The following CCDC3 variants were observed in gnomAD, a reference collection of about 807,000 sequenced individuals.
CCDC3 encodes the protein coiled-coil domain containing 3, also known as coiled-coil domain-containing protein 3.
Under a neutral mutation model 21.4 loss-of-function variants are expected in CCDC3, and 24 were observed. That is an observed-to-expected ratio of 1.12 (90% CI 0.81 to 1.58). The LOEUF (loss-of-function observed/expected upper bound fraction) is 1.58, where lower values mean the gene tolerates loss of function less well. Among genes scored for constraint, CCDC3 ranks in the 40% most tolerant of loss-of-function variants. CCDC3 has a pLI of 0.00. For missense variants in CCDC3, 425 were observed against 360.9 expected, an observed-to-expected ratio of 1.18 and a Z score of -1.44; for synonymous variants, 186 against 166.0, an observed-to-expected ratio of 1.12 and a Z score of -0.93.
intron 3 of CCDC3, among the ~76,000 whole-genome samples, chr10:13,090,347 C>T (rs776195901): frequency 4.6e-5 from 7 of 152,142 alleles, no homozygotes; most frequent in Non-Finnish European, 8.8e-5. Context: ...CTTGGCCTCC[C>T]AAAGTGCTAG....
rs1386690670 is a variant in CCDC3 at position 13,057,404 on chromosome 10, T to C, written c.-269-7463A>G. 2.0e-5 allele frequency among the ~76,000 whole-genome samples: 3 copies of C among 152,096 alleles called. No individual in the cohort carries two copies. The East Asian group carries it at 5.8e-4, about 29-fold the overall frequency. On this transcript the variant is annotated intron_variant, in intron 4 of 6. Coordinates refer to the CCDC3 transcript ENST00000378839. Reference sequence around the variant, plus strand: ...TAGTCATATGGGACCATTTTCAAGATGGCAAGTGAAGCCACATAAACACAT... The same window carrying C: ...TAGTCATATGGGACCATTTTCAAGACGGCAAGTGAAGCCACATAAACACAT...
intron 2 of CCDC3, among the ~76,000 whole-genome samples, chr10:12,914,859 A>G (rs993579202): frequency 6.6e-6 from 1 of 151,822 alleles, no homozygotes; most frequent in Non-Finnish European, 1.5e-5. Context: ...TCTCTCATTT[A>G]TTATTATTTC....
chr10:13,052,139 C>T (rs1836616540), intron 4 of CCDC3, among the ~76,000 whole-genome samples: 1 of 152,142 alleles, frequency 6.6e-6, no homozygotes, highest in Admixed American at 6.5e-5. Context: ...CTTTGAGAGG[C>T]TGAGAAGCAG....
intron 5 of CCDC3, among the ~76,000 whole-genome samples, chr10:13,048,939 A>G (rs1037573375): frequency 6.6e-6 from 1 of 152,016 alleles, no homozygotes; most frequent in Non-Finnish European, 1.5e-5. Flanking sequence ...TTTTCATTGC[A>G]CAACACCAAG....
At chr10:12,947,679 A>G (rs1454345338) in intron 2 of CCDC3, among the ~76,000 whole-genome samples, 2 of 152,250 alleles carry the variant, frequency 1.3e-5, no homozygotes, top group African/African-American at 4.8e-5. Context: ...AACAGGAGAT[A>G]CTCAGTACCT....
intron 2 of CCDC3, among the ~76,000 whole-genome samples, chr10:12,986,090 C>T (rs972181290): frequency 9.2e-5 from 14 of 152,138 alleles, no homozygotes; most frequent in Admixed American, 3.9e-4. Context: ...CGTGAGCCAC[C>T]GTGCCTGGCC....
chr10:12,941,942 T>G (rs1834838224), intron 2 of CCDC3, among the ~76,000 whole-genome samples: 1 of 152,218 alleles, frequency 6.6e-6, no homozygotes, highest in Non-Finnish European at 1.5e-5. Flanking sequence ...AATCATCTAC[T>G]TCAAAAGTCT....
chr10:12,964,413 T>G (rs1179029017), intron 2 of CCDC3, among the ~76,000 whole-genome samples: 1 of 152,138 alleles, frequency 6.6e-6, no homozygotes, highest in Non-Finnish European at 1.5e-5. Context: ...TTTCTGTTCT[T>G]TATAAAAGCC....
At chr10:13,016,568 T>C (rs1163486610) in intron 5 of CCDC3, among the ~76,000 whole-genome samples, 5 of 151,918 alleles carry the variant, frequency 3.3e-5, no homozygotes. Context: ...TGTTATTTCA[T>C]AGATAAAAAA....
intron 4 of CCDC3, among the ~76,000 whole-genome samples, chr10:13,062,661 ATG>A (rs1836771749): frequency 6.6e-6 from 1 of 152,182 alleles, no homozygotes; most frequent in African/African-American, 2.4e-5. Context: ...AACTTAGTTT[ATG>A]GTTTAAGTAA....
intron 2 of CCDC3, among the ~76,000 whole-genome samples, chr10:12,984,540 A>G (rs1446047691): frequency 6.6e-6 from 1 of 152,202 alleles, no homozygotes; most frequent in Non-Finnish European, 1.5e-5. Flanking sequence ...TGACCCAGCA[A>G]TTCCGCTCCT....
intron 4 of CCDC3, among the ~76,000 whole-genome samples, chr10:13,057,740 G>T (rs950954005): frequency 2.0e-5 from 3 of 151,984 alleles, no homozygotes; most frequent in African/African-American, 7.2e-5. Context: ...TTAGCTGGGC[G>T]TGGTGGTGGG....
chr10:12,936,522 C>A (rs1207857381), intron 2 of CCDC3, among the ~76,000 whole-genome samples: 5 of 152,056 alleles, frequency 3.3e-5, no homozygotes, highest in Non-Finnish European at 7.4e-5. Context: ...CCACTGTGCC[C>A]GGCCACTTTC....
rs559211722 is a variant in CCDC3 at position 12,959,982 on chromosome 10, C to A, written c.549+38356G>T. ...CAGCCTGGCCAACATGGCGAAACCCCGTCTCTACTAAAAATACAAAAATTA... is the reference window on the plus strand; with the variant it reads ...CAGCCTGGCCAACATGGCGAAACCCAGTCTCTACTAAAAATACAAAAATTA... On this transcript the variant is annotated intron_variant, in intron 2 of 2. Transcript: ENST00000378825. Among the ~76,000 whole-genome samples the A allele has an allele frequency of 7.9e-5, 12 of 152,232 alleles. 1 individual carries two copies. Among genetic ancestry groups the A allele is most frequent in the African/African-American group, 2.9e-4 (12 of 41,536 alleles).
intron 2 of CCDC3, among the ~76,000 whole-genome samples, chr10:12,911,802 T>G (rs1411228483): frequency 6.6e-6 from 1 of 152,216 alleles, no homozygotes; most frequent in Admixed American, 6.5e-5. Flanking sequence ...TTGAACAGCA[T>G]CTTCCAATAC....
rs528596271 is a variant in CCDC3 at position 13,041,725 on chromosome 10, T to G, written c.-2+7949A>C. ...CTGGTCTCGAACTCCTGACCTCAAGTGATCCACCTGCCTCAACCTCCCAAA... is the reference window on the plus strand; with the variant it reads ...CTGGTCTCGAACTCCTGACCTCAAGGGATCCACCTGCCTCAACCTCCCAAA... On this transcript the variant is annotated intron_variant, in intron 5 of 6. Transcript: ENST00000378839. 9.2e-5 allele frequency among the ~76,000 whole-genome samples: 14 copies of G among 151,928 alleles called. No individual in the cohort carries two copies. In the East Asian group the frequency reaches 1.8e-3, roughly 19 times the overall value.
chr10:13,082,753 C>T (rs757404907), intron 3 of CCDC3, among the ~76,000 whole-genome samples: 8 of 151,130 alleles, frequency 5.3e-5, no homozygotes, highest in Non-Finnish European at 1.2e-4. Context: ...AGGGCTCACA[C>T]TTGCCTTCTG....
At chr10:12,905,958 G>A (rs1264345910) in intron 2 of CCDC3, among the ~76,000 whole-genome samples, 2 of 152,226 alleles carry the variant, frequency 1.3e-5, no homozygotes, top group Admixed American at 1.3e-4. Context: ...GGGACTCTGG[G>A]GAGCTTGATG....
At chr10:12,954,266 T>A (rs981372704) in intron 2 of CCDC3, among the ~76,000 whole-genome samples, 2 of 152,226 alleles carry the variant, frequency 1.3e-5, no homozygotes. Flanking sequence ...ATGCCCATTA[T>A]CTGTCCTATC....
Sources: allele counts gnomAD v4.1 joint callset (sites outside exome capture counted in the v4.1 genomes callset), GRCh38; gene constraint gnomAD v4.1.1; transcripts MANE v1.5; gene names NCBI Gene and HGNC (gene_info 2026-07-23, HGNC 2026-07-21).